The following NEK4 variants were observed in gnomAD, a reference collection of about 807,000 sequenced individuals.
NEK4 encodes the protein serine/threonine-protein kinase Nek4.
NEK4 carries 86 observed loss-of-function variants against 98.4 expected under a neutral mutation model. The observed-to-expected ratio is 0.87, with a 90% CI of 0.73 to 1.05. The LOEUF (loss-of-function observed/expected upper bound fraction) is 1.05. Among genes scored for constraint, NEK4 ranks in the 50% least tolerant of loss-of-function variants. The probability of loss-of-function intolerance (pLI) is 0.00; values close to 1 mark genes in which losing one functional copy is unlikely to be tolerated. For synonymous variants in NEK4, 328 were observed against 342.2 expected (o/e 0.96, Z 0.46); for missense variants, 898 against 950.3 (o/e 0.94, Z 0.72).
In NEK4 at chr3:52,741,390, G is replaced by A. The variant is rs370588243; in HGVS notation, c.2093+21C>T. 187 of 1,406,470 alleles carry A rather than the reference G, an allele frequency of 1.3e-4. No homozygotes were observed. In the Middle Eastern group the frequency reaches 1.4e-3, roughly 11 times the overall value. The allele number at this position is 1,406,470 out of a possible 1,614,324, so 87.1% of individuals were successfully genotyped here. On this transcript the variant is annotated intron_variant, in intron 13 of 15. Coordinates refer to ENST00000233027, the MANE Select transcript of NEK4 (RefSeq NM_003157.6). ...AAAACAGAAATAGTTTATAAAGGGA[G>A]ACAGAAAAACAAGAACTTACCCTTC...
chr3:52,745,461 TC>T (rs1332814276), intron 10 of NEK4, among the ~76,000 whole-genome samples: 1 of 151,664 alleles, frequency 6.6e-6, no homozygotes, highest in Non-Finnish European at 1.5e-5. Flanking sequence ...CACCTGTAGT[TC>T]CAGCTACTCA....
chr3:52,761,599 T>C (rs1282747150), intron 5 of NEK4, among the ~76,000 whole-genome samples: 1 of 152,126 alleles, frequency 6.6e-6, no homozygotes, highest in Non-Finnish European at 1.5e-5. Flanking sequence ...TCAATAGTAA[T>C]ATTTCGATGT....
intron 5 of NEK4, among the ~76,000 whole-genome samples, chr3:52,762,822 A>G (rs986674526): frequency 6.6e-6 from 1 of 152,118 alleles, no homozygotes; most frequent in South Asian, 2.1e-4. Context: ...CGGAGGTTGC[A>G]GTGAGCTGAG....
At chr3:52,724,232 AACACAC>A (rs10528307) in intron 15 of NEK4, among the ~76,000 whole-genome samples, 17 of 145,306 alleles carry the variant, frequency 1.2e-4, no homozygotes, top group South Asian at 4.4e-4. Flanking sequence ...TTTGTCTTAA[AACACAC>A]ACACACACAC....
At position 52,751,997 on chromosome 3, in the gene NEK4, C is replaced by G. The variant is rs2097405999; in HGVS notation, c.1303G>C (p.Gly435Arg). 13 of 1,614,008 alleles carry G rather than the reference C, an allele frequency of 8.1e-6. No homozygotes were observed. The East Asian group carries it at 2.9e-4, about 36-fold the overall frequency. Residue 435 changes from glycine (G) to arginine (R), a missense_variant, in exon 7 of 16, where the codon GGG (glycine) becomes CGG (arginine). Transcript: ENST00000233027. ...IPMWSSDIVTGEKNEPVKPLQ... is the reference protein window; with the variant it reads ...IPMWSSDIVTREKNEPVKPLQ... The stretch of plus-strand genomic sequence containing the variant: ...GGCTTCACTGGTTCATTCTTTTCCC[C>G]AGTGACAATGTCAGAGGACCACATG...
chr3:52,729,223 T>TA (rs1470280706), intron 15 of NEK4, among the ~76,000 whole-genome samples: 1 of 152,272 alleles, frequency 6.6e-6, no homozygotes, highest in East Asian at 1.9e-4. Context: ...ATCACGGTCC[T>TA]ACTGATATGT....
At chr3:52,747,174 G>A (rs781432495) in intron 8 of NEK4, among the ~76,000 whole-genome samples, 9 of 152,006 alleles carry the variant, frequency 5.9e-5, no homozygotes, top group Non-Finnish European at 1.0e-4. Context: ...CAAAAGAAGC[G>A]GGCCAGGCAT....
chr3:52,760,277 T>G lies in NEK4; in HGVS notation c.963+518A>C, dbSNP rs569260685. The stretch of plus-strand genomic sequence containing the variant: ...TGTCACCCAGGCTGGAGTGCAGTAG[T>G]GCAGTCTTGGCTCACTGCAACCTCC... On this transcript the variant is annotated intron_variant, in intron 6 of 15. Transcript: ENST00000233027. Among the ~76,000 whole-genome samples the G allele has an allele frequency of 7.2e-5, 11 of 152,284 alleles. No individual in the cohort carries two copies. In the East Asian group the frequency reaches 2.1e-3, roughly 29 times the overall value.
chr3:52,736,745 A>G (rs1328826073), intron 15 of NEK4, among the ~76,000 whole-genome samples: 1 of 152,098 alleles, frequency 6.6e-6, no homozygotes, highest in Non-Finnish European at 1.5e-5. Flanking sequence ...GTGAATTACC[A>G]AACTTATGGA....
chr3:52,763,547 T>C lies in NEK4; in HGVS notation c.744A>G (p.Glu248=). The change falls in exon 5 of 16, where the codon GAA becomes GAG. Residue 248 remains glutamate (E), a synonymous_variant. Transcript: ENST00000233027. ...TCAGGATGCTCCTCACAGACGGCCTTTCTTCAGGCCTTTTGCTCAGCATTG... is the reference window on the plus strand; with the variant it reads ...TCAGGATGCTCCTCACAGACGGCCTCTCTTCAGGCCTTTTGCTCAGCATTG... The part of the protein sequence containing the change: ...IRTMLSKRPE[E]RPSVRSILRQ... 1 of 1,614,108 alleles carries C rather than the reference T, an allele frequency of 6.2e-7. No individual in the cohort carries two copies. Among genetic ancestry groups the C allele is most frequent in the Non-Finnish European group, 8.5e-7 (1 of 1,179,958 alleles).
intron 15 of NEK4, among the ~76,000 whole-genome samples, chr3:52,722,184 C>G (rs1427278617): frequency 2.0e-5 from 3 of 152,206 alleles, no homozygotes; most frequent in African/African-American, 7.2e-5. Flanking sequence ...GGTAGGGGGA[C>G]CACCCTCGCA....
chr3:52,766,376 C>G lies in NEK4; in HGVS notation c.361-1G>C, dbSNP rs139102947. On this transcript the variant is annotated splice_acceptor_variant, in intron 2 of 15. Transcript: ENST00000233027. LOFTEE classifies it high-confidence loss of function. Reference sequence around the variant, plus strand: ...GAAGGATGTGTTTTTCATGTAAATACTGAGGAAAGAAACAAGATTTTATTA... The same window carrying G: ...GAAGGATGTGTTTTTCATGTAAATAGTGAGGAAAGAAACAAGATTTTATTA... 7.8e-5 allele frequency: 125 copies of G among 1,607,106 alleles called. No individual in the cohort carries two copies. Among genetic ancestry groups the G allele is most frequent in the Non-Finnish European group, 1.0e-4 (118 of 1,173,986 alleles).
intron 13 of NEK4, among the ~76,000 whole-genome samples, 178 bp from the exon 14 acceptor site, chr3:52,739,812 T>C (rs902991949): frequency 2.6e-5 from 4 of 151,982 alleles, no homozygotes; most frequent in African/African-American, 9.7e-5. Flanking sequence ...AATACAAAAC[T>C]CAACAACGTA....
chr3:52,745,885 G>C (rs578152457), intron 10 of NEK4, among the ~76,000 whole-genome samples, 176 bp downstream of exon 10: 1 of 152,020 alleles, frequency 6.6e-6, no homozygotes, highest in Non-Finnish European at 1.5e-5. Flanking sequence ...ACCACATTTC[G>C]CTAATTTTTA....
chr3:52,744,239 C>T lies in NEK4; in HGVS notation c.1894G>A (p.Gly632Ser), dbSNP rs2097391725. Residue 632 changes from glycine to serine, a missense_variant and splice_region_variant, in exon 11 of 16, where the codon GGC becomes AGC. Gly to Ser is a moderately conservative substitution (Grantham distance 56). Coordinates refer to ENST00000233027, the MANE Select transcript of NEK4 (RefSeq NM_003157.6). ...KQSQEEMSSS[G>S]PSVRKASLSV... ...GATGAAGAAAAGAAGTCAACTTTAC[C>T]TGAAGAGGACATTTCTTCCTGTGAC... 1 of 1,611,238 alleles carries T rather than the reference C, an allele frequency of 6.2e-7. No homozygotes were observed. Among genetic ancestry groups the T allele is most frequent in the East Asian group, 2.2e-5 (1 of 44,862 alleles).
intron 1 of NEK4, 97 bp downstream of exon 1, chr3:52,770,557 G>A: frequency 2.3e-6 from 2 of 886,688 alleles, no homozygotes; most frequent in East Asian, 2.7e-5. Context: ...CATCCGAGAT[G>A]AGCCTCTTGC....
intron 2 of NEK4, 151 bp downstream of exon 2, chr3:52,768,187 A>G (rs1698646410): frequency 2.9e-6 from 2 of 695,328 alleles, no homozygotes; most frequent in African/African-American, 3.5e-5. Flanking sequence ...TTCCAATGCT[A>G]CAGAAAGAGT....
intron 7 of NEK4, among the ~76,000 whole-genome samples, chr3:52,750,157 T>C (rs1004873050): frequency 2.6e-5 from 4 of 152,330 alleles, no homozygotes; most frequent in Admixed American, 2.0e-4. Context: ...CAAGTGTTCA[T>C]AGCCGCATTA....
intron 6 of NEK4, among the ~76,000 whole-genome samples, chr3:52,752,887 T>A (rs1246458621): frequency 1.2e-5 from 1 of 83,416 alleles, no homozygotes; most frequent in African/African-American, 6.0e-5. Context: ...GCAACAGGAG[T>A]GAAACCCTGC....
Sources: allele counts gnomAD v4.1 joint callset (sites outside exome capture counted in the v4.1 genomes callset), GRCh38; gene constraint gnomAD v4.1.1; transcripts MANE v1.5; gene names NCBI Gene and HGNC (gene_info 2026-07-23, HGNC 2026-07-21).